The following UGT3A1 variants were observed in gnomAD, a reference collection of about 807,000 sequenced individuals.
The protein encoded by UGT3A1 is UDP-glycosyltransferase 3A1.
A neutral mutation model predicts 37.6 loss-of-function variants in UGT3A1; 40 were observed. The observed-to-expected ratio is 1.06, with a 90% confidence interval of 0.83 to 1.38. The LOEUF (loss-of-function observed/expected upper bound fraction) is 1.38, where lower values mean the gene tolerates loss of function less well. Ranked by LOEUF, UGT3A1 falls within the 40% of genes most tolerant of loss-of-function variation. The probability of loss-of-function intolerance (pLI) is 0.00; values close to 1 mark genes in which losing one functional copy is unlikely to be tolerated. For missense variants in UGT3A1, 642 were observed against 634.2 expected, an observed-to-expected ratio of 1.01 and a Z score of -0.13; for synonymous variants, 256 against 232.3, an observed-to-expected ratio of 1.10 and a Z score of -0.93.
chr5:35,969,554 G>A (rs1451258309), intron 2 of UGT3A1, among the ~76,000 whole-genome samples: 1 of 152,142 alleles, frequency 6.6e-6, no homozygotes, highest in Non-Finnish European at 1.5e-5. Flanking sequence ...CAAAAGGGGT[G>A]GGGAGGGGGA....
At position 35,998,961 on chromosome 5, in the gene UGT3A1, G is replaced by A. The variant is rs537723771; in HGVS notation, c.-159-1632C>T. Among the ~76,000 whole-genome samples the A allele has an allele frequency of 7.2e-5, 11 of 152,284 alleles. No individual in the cohort carries two copies. The East Asian group carries it at 9.6e-4, about 13-fold the overall frequency. Reference sequence around the variant, plus strand: ...CCATAAAAAATGTACAATAGGCCGAGCGCGGTGGCTCACGCCTGTAATCCC... The same window carrying A: ...CCATAAAAAATGTACAATAGGCCGAACGCGGTGGCTCACGCCTGTAATCCC... On this transcript the variant is annotated intron_variant, in intron 1 of 5. Transcript: ENST00000625798.
intron 2 of UGT3A1, among the ~76,000 whole-genome samples, chr5:35,974,759 C>G (rs996708782): frequency 6.6e-6 from 1 of 152,210 alleles, no homozygotes; most frequent in Non-Finnish European, 1.5e-5. Context: ...CCATCAAAGA[C>G]AGTTTGCTTT....
At chr5:35,973,292 A>G (rs1740125440) in intron 2 of UGT3A1, among the ~76,000 whole-genome samples, 1 of 152,194 alleles carries the variant, frequency 6.6e-6, no homozygotes, top group Non-Finnish European at 1.5e-5. Flanking sequence ...GGTTACCCAT[A>G]AGAAGGTTCA....
In UGT3A1 at chr5:35,965,787, C is replaced by A. The variant is rs893807195; in HGVS notation, c.442G>T (p.Asp148Tyr). Residue 148 changes from aspartate (D) to tyrosine (Y), a missense_variant, in exon 4 of 7, where the codon GAT becomes TAT. By Grantham distance (160) the Asp-to-Tyr change is radical. Transcript: ENST00000274278. ...NYDLVFVEAF[D>Y]FCSFLIAEKL... ...TCAGCAATCAGGAAAGAACAGAAAT[C>A]AAATGCTTCAACAAATACCAGATCA... 2.5e-6 allele frequency: 4 copies of A among 1,614,168 alleles called. No individual in the cohort carries two copies. Among genetic ancestry groups the A allele is most frequent in the Non-Finnish European group, 2.5e-6 (3 of 1,180,020 alleles).
At chr5:35,990,575 C>A (rs1377577426) in intron 1 of UGT3A1, among the ~76,000 whole-genome samples, 1 of 152,140 alleles carries the variant, frequency 6.6e-6, no homozygotes, top group African/African-American at 2.4e-5. Context: ...TGGGTTCTCT[C>A]CTCAGACCTG....
intron 2 of UGT3A1, among the ~76,000 whole-genome samples, chr5:35,986,339 A>G (rs1267362553): frequency 1.3e-5 from 2 of 152,132 alleles, no homozygotes; most frequent in Non-Finnish European, 2.9e-5. Context: ...CCAAAAGAAA[A>G]AAAGTCAATA....
chr5:35,954,769 G>A, intron 6 of UGT3A1: 3 of 410,924 alleles, frequency 7.3e-6, no homozygotes, highest in Non-Finnish European at 1.3e-5. Context: ...GGATGCTTAT[G>A]GTATACTAAA....
Position 35,991,225 on chromosome 5 carries a change from C to G in UGT3A1, c.16G>C (p.Val6Leu). 6.2e-7 allele frequency: 1 copy of G among 1,614,236 alleles called. No homozygotes were observed. The highest frequency in any genetic ancestry group is 2.2e-5 in the East Asian group (1 of 44,872). ...AGAAGGAAGGCCACTAGAAGCAGCA[C>G]CCGCTGCCCAACCATGCTCACTTCC... MVGQRVLLLVAFLLSG... is the reference protein window; with the variant it reads MVGQRLLLLVAFLLSG... Residue 6 changes from valine (V) to leucine (L), a missense_variant, in exon 1 of 7, where the codon GTG (valine) becomes CTG (leucine). Coordinates refer to ENST00000274278, the MANE Select transcript of UGT3A1 (RefSeq NM_152404.4).
intron 1 of UGT3A1, 197 bp downstream of exon 1, chr5:35,990,950 A>T: frequency 6.8e-7 from 1 of 1,462,836 alleles, no homozygotes; most frequent in Non-Finnish European, 9.0e-7. Flanking sequence ...TTTTCTCAAA[A>T]ACTGTCTTCC....
intron 2 of UGT3A1, among the ~76,000 whole-genome samples, chr5:35,973,875 T>C (rs1039089737): frequency 5.9e-5 from 9 of 152,162 alleles, no homozygotes; most frequent in Non-Finnish European, 1.0e-4. Context: ...AAAGCAATAA[T>C]TAGAATAATC....
chr5:35,991,101 G>A (rs1740930038), intron 1 of UGT3A1, 46 bp downstream of exon 1: 1 of 1,614,106 alleles, frequency 6.2e-7, no homozygotes, highest in Non-Finnish European at 8.5e-7. Context: ...GGCAGTGCGG[G>A]GATCCGGGAC....
At position 35,952,686 on chromosome 5, in the gene UGT3A1, G is replaced by A. The variant is rs1739220208; in HGVS notation, c.*1516C>T. 1.3e-5 allele frequency: 2 copies of A among 152,180 alleles called. No individual in the cohort carries two copies. The highest frequency in any genetic ancestry group is 2.1e-4 in the South Asian group (1 of 4,834). 9.4% of individuals were successfully genotyped at this position (152,180 alleles called of 1,614,324 possible). On this transcript the variant is annotated 3_prime_UTR_variant, in exon 7 of 7. Coordinates refer to ENST00000274278, the MANE Select transcript of UGT3A1 (RefSeq NM_152404.4). ...ACAGAAAACACAGGGAAGCATCCAT[G>A]TCTGCCCTTCATGGGAGTATGGCCA...
intron 4 of UGT3A1, among the ~76,000 whole-genome samples, chr5:35,963,134 C>T (rs2149957489): frequency 6.6e-6 from 1 of 152,304 alleles, no homozygotes; most frequent in South Asian, 2.1e-4. Context: ...CAGGGTGGGG[C>T]TAGAGAATAG....
chr5:35,989,353 T>C (rs554883463), intron 1 of UGT3A1, among the ~76,000 whole-genome samples: 87 of 152,218 alleles, frequency 5.7e-4, no homozygotes, highest in African/African-American at 1.9e-3. Flanking sequence ...TTAGTGCATG[T>C]TCCAACACAG....
At chr5:35,968,752 C>T (rs1222045947) in intron 2 of UGT3A1, among the ~76,000 whole-genome samples, 3 of 152,092 alleles carry the variant, frequency 2.0e-5, no homozygotes, top group Non-Finnish European at 4.4e-5. Flanking sequence ...ACTTCACTTT[C>T]TATGCCTCAT....
At chr5:35,967,179 A>G (rs990885172) in intron 3 of UGT3A1, among the ~76,000 whole-genome samples, 1 of 152,222 alleles carries the variant, frequency 6.6e-6, no homozygotes, top group Non-Finnish European at 1.5e-5. Context: ...AAAATATGTA[A>G]CAACACAAGA....
rs700167 is a variant in UGT3A1, at chr5:35,953,067, G to A, written c.*1135C>T. 0.22 allele frequency: 33,052 copies of A among 152,232 alleles called. 3,757 individuals carry two copies. The highest frequency in any genetic ancestry group is 0.28 in the African/African-American group (11,610 of 41,462). The allele number at this position is 152,232 out of a possible 1,614,324, so 9.4% of individuals were successfully genotyped here. On this transcript the variant is annotated 3_prime_UTR_variant, in exon 7 of 7. Transcript: ENST00000274278. ...TCCATATGCCTGTTTTCTACTCTGT[G>A]TTTTTAACTCATCAGACACCATGCA...
At chr5:35,986,828 T>A (rs1414292224) in intron 2 of UGT3A1, among the ~76,000 whole-genome samples, 1 of 152,160 alleles carries the variant, frequency 6.6e-6, no homozygotes, top group African/African-American at 2.4e-5. Flanking sequence ...GAGAATAGTT[T>A]GAATGTTTCT....
intron 4 of UGT3A1, among the ~76,000 whole-genome samples, chr5:35,959,294 C>A (rs1190103139): frequency 6.6e-6 from 1 of 152,048 alleles, no homozygotes; most frequent in Admixed American, 6.5e-5. Flanking sequence ...ACAAGGCATA[C>A]AAAGAAATAG....
Sources: allele counts gnomAD v4.1 joint callset (sites outside exome capture counted in the v4.1 genomes callset), GRCh38; gene constraint gnomAD v4.1.1; transcripts MANE v1.5; gene names NCBI Gene and HGNC (gene_info 2026-07-23, HGNC 2026-07-21).